SRPK2: variants seen among roughly 807,000 people sequenced by gnomAD.
SRPK2 encodes SFRS protein kinase 2.
A neutral mutation model predicts 90.8 loss-of-function variants in SRPK2; 21 were observed. The ratio of observed to expected loss-of-function variants is 0.23; its 90% CI spans 0.16 to 0.33. The LOEUF (loss-of-function observed/expected upper bound fraction) is 0.33, where lower values mean the gene tolerates loss of function less well. SRPK2 is among the 10% of genes least tolerant of loss of function. The pLI is 1.00. For missense variants in SRPK2, 620 were observed against 869.0 expected (o/e 0.71, Z 3.60); for synonymous variants, 288 against 311.1 (o/e 0.93, Z 0.78).
At chr7:105,267,313 C>A (rs1202633069) in intron 2 of SRPK2, among the ~76,000 whole-genome samples, 1 of 152,074 alleles carries the variant, frequency 6.6e-6, no homozygotes, top group East Asian at 1.9e-4. Context: ...CATGATATTC[C>A]AAAAAGCTAA....
chr7:105,260,215 G>A (rs1460421399), intron 2 of SRPK2, among the ~76,000 whole-genome samples: 2 of 152,072 alleles, frequency 1.3e-5, no homozygotes, highest in Non-Finnish European at 2.9e-5. Flanking sequence ...ATCAAAAAGT[G>A]GGCAAAGGAT....
intron 15 of SRPK2, among the ~76,000 whole-genome samples, chr7:105,118,523 A>G (rs1249354381): frequency 2.6e-5 from 4 of 152,220 alleles, no homozygotes; most frequent in African/African-American, 9.6e-5. Flanking sequence ...GGTTACAGGC[A>G]GCTTTGGTTG....
At chr7:105,397,658 T>C (rs1224947103) in intron 1 of SRPK2, among the ~76,000 whole-genome samples, 1 of 151,568 alleles carries the variant, frequency 6.6e-6, no homozygotes, top group Non-Finnish European at 1.5e-5. Flanking sequence ...ATTTTTTTTT[T>C]TGGGAGACTG....
chr7:105,386,162 A>G (rs1373880084), intron 2 of SRPK2, among the ~76,000 whole-genome samples: 1 of 151,920 alleles, frequency 6.6e-6, no homozygotes, highest in Admixed American at 6.6e-5. Flanking sequence ...AAAATACAAA[A>G]TATTAGCCGG....
intron 14 of SRPK2, 65 bp downstream of exon 14, chr7:105,126,928 C>T: frequency 6.7e-7 from 1 of 1,498,210 alleles, no homozygotes; most frequent in South Asian, 1.1e-5. Context: ...AAATACAGTA[C>T]TCTACAGAAG....
intron 2 of SRPK2, among the ~76,000 whole-genome samples, chr7:105,294,126 C>T (rs996023276): frequency 6.6e-6 from 1 of 152,142 alleles, no homozygotes; most frequent in African/African-American, 2.4e-5. Flanking sequence ...TTCCTGACAA[C>T]CAGAAGGGTT....
At chr7:105,233,016 GAAAGA>G (rs1265142874) in intron 2 of SRPK2, among the ~76,000 whole-genome samples, 5 of 151,262 alleles carry the variant, frequency 3.3e-5, no homozygotes, top group African/African-American at 1.2e-4. Flanking sequence ...AGGAGGGAGG[GAAAGA>G]AAGGAAAAGA....
At chr7:105,280,940 T>C (rs1428840374) in intron 2 of SRPK2, among the ~76,000 whole-genome samples, 1 of 68,104 alleles carries the variant, frequency 1.5e-5, no homozygotes, top group East Asian at 4.6e-4. Context: ...GAGCGAAGAC[T>C]CCATCTCAAA....
chr7:105,327,225 T>G (rs994788619), intron 2 of SRPK2, among the ~76,000 whole-genome samples: 4 of 151,986 alleles, frequency 2.6e-5, no homozygotes, highest in Non-Finnish European at 1.5e-5. Context: ...TTTTAATGGT[T>G]GGGGAAAAAA....
At chr7:105,359,602 T>G (rs997942502) in intron 2 of SRPK2, among the ~76,000 whole-genome samples, 5 of 152,218 alleles carry the variant, frequency 3.3e-5, no homozygotes, top group African/African-American at 1.2e-4. Flanking sequence ...GCACTGCTGC[T>G]GCTATGTCAT....
intron 2 of SRPK2, among the ~76,000 whole-genome samples, chr7:105,305,609 T>C (rs1201604797): frequency 6.6e-6 from 1 of 152,110 alleles, no homozygotes; most frequent in Non-Finnish European, 1.5e-5. Flanking sequence ...GAGTCAGTGT[T>C]GAATTACCCA....
At chr7:105,354,563 A>G (rs1273602728) in intron 2 of SRPK2, among the ~76,000 whole-genome samples, 1 of 152,202 alleles carries the variant, frequency 6.6e-6, no homozygotes, top group Non-Finnish European at 1.5e-5. Context: ...CCACTCATGC[A>G]TAGCAATGCA....
intron 13 of SRPK2, among the ~76,000 whole-genome samples, chr7:105,129,169 C>T (rs906557251): frequency 7.2e-5 from 11 of 152,194 alleles, no homozygotes; most frequent in Non-Finnish European, 1.2e-4. Context: ...AGCCTGACCT[C>T]GTGACCCGCC....
rs571155717 is a variant in SRPK2, at chr7:105,232,192, C to T, written c.72-28407G>A. On this transcript the variant is annotated intron_variant, in intron 2 of 15. Transcript: ENST00000393651. ...TTTAAGATCAAGTTTGCAGGCCGGG[C>T]GCGGTGGCTCACGTCTGTAAGCCCG... 4.9e-4 allele frequency among the ~76,000 whole-genome samples: 75 copies of T among 152,246 alleles called. No individual in the cohort carries two copies. The South Asian group carries it at 7.9e-3, about 16-fold the overall frequency.
At position 105,307,041 on chromosome 7, in the gene SRPK2, T is replaced by G. The variant is rs1811221177; in HGVS notation, c.71+81607A>C. 5.3e-5 allele frequency among the ~76,000 whole-genome samples: 8 copies of G among 152,164 alleles called. No homozygotes were observed. The South Asian group carries it at 1.7e-3, about 32-fold the overall frequency. On this transcript the variant is annotated intron_variant, in intron 2 of 15. Transcript: ENST00000393651. The stretch of plus-strand genomic sequence containing the variant: ...CAGGCAGGTGCAGCTAAACATGTCC[T>G]GGAAACACAAAGGCAGCTCAAAAGG...
In SRPK2 at chr7:105,205,511, TCTCTCTCACA is replaced by T. The variant is rs1425838809; in HGVS notation, c.72-1736_72-1727del. 2.9e-4 allele frequency among the ~76,000 whole-genome samples: 19 copies of T among 64,866 alleles called. No individual in the cohort carries two copies. In the East Asian group the frequency reaches 5.4e-3, roughly 19 times the overall value. The allele number at this position is 64,866 out of a possible 152,430, so 42.6% of individuals were successfully genotyped here. A position where few individuals can be genotyped will look rare whatever the true frequency, so the allele number is the denominator to read the frequency against. ...ATAATATTCATTCTCTCTCTCTCTC[TCTCTCTCACA>T]CACACACACACACACACACACACAC... On this transcript the variant is annotated intron_variant, in intron 2 of 15. Coordinates refer to ENST00000393651, the MANE Select transcript of SRPK2 (RefSeq NM_182692.3).
chr7:105,309,091 C>A (rs1373791376), intron 2 of SRPK2, among the ~76,000 whole-genome samples: 2 of 152,126 alleles, frequency 1.3e-5, no homozygotes, highest in Non-Finnish European at 2.9e-5. Flanking sequence ...AAAGTGCACA[C>A]AAACTTTGCA....
chr7:105,170,995 G>GAAAGAA (rs1554436146), intron 3 of SRPK2, among the ~76,000 whole-genome samples: 1 of 117,762 alleles, frequency 8.5e-6, no homozygotes, highest in Non-Finnish European at 1.7e-5. Context: ...AAGAAAGAAA[G>GAAAGAA]AGAAAGAAAG....
At chr7:105,160,989 G>A (rs1328483683) in intron 6 of SRPK2, among the ~76,000 whole-genome samples, 1 of 151,938 alleles carries the variant, frequency 6.6e-6, no homozygotes, top group African/African-American at 2.4e-5. Flanking sequence ...GCAGTGGTGT[G>A]ATCTTGGCTC....
Sources: gnomAD v4.1 joint callset for allele counts (sites outside exome capture counted in the v4.1 genomes callset) on GRCh38, gnomAD v4.1.1 for gene constraint, MANE v1.5 for transcripts, NCBI Gene and HGNC (gene_info 2026-07-23, HGNC 2026-07-21) for gene names.